The following CELSR1 variants were observed in gnomAD, a reference collection of about 807,000 sequenced individuals.
CELSR1 encodes the protein adhesion G protein-coupled receptor C1.
A neutral mutation model predicts 249.1 loss-of-function variants in CELSR1; 110 were observed. The ratio of observed to expected loss-of-function variants is 0.44; its 90% CI spans 0.38 to 0.52. The LOEUF is 0.52. CELSR1 is among the 20% of genes least tolerant of loss of function. The pLI is 0.00. For missense variants in CELSR1, 4,109 were observed against 4,296.4 expected, an observed-to-expected ratio of 0.96 and a Z score of 1.22; for synonymous variants, 2,113 against 1,900.0, an observed-to-expected ratio of 1.11 and a Z score of -2.92.
At chr22:46,376,518 G>A (rs1357250789) in intron 24 of CELSR1, among the ~76,000 whole-genome samples, 1 of 152,144 alleles carries the variant, frequency 6.6e-6, no homozygotes, top group Non-Finnish European at 1.5e-5. Context: ...GGGATTACAG[G>A]TGCCCGGCAC....
In CELSR1 at chr22:46,409,725, C is replaced by A; in HGVS notation, c.5059+30G>T. 1 of 1,609,926 alleles carries A rather than the reference C, an allele frequency of 6.2e-7. No individual in the cohort carries two copies. Among genetic ancestry groups the A allele is most frequent in the Middle Eastern group, 1.6e-4 (1 of 6,062 alleles). On this transcript the variant is annotated intron_variant, in intron 8 of 34. Coordinates refer to ENST00000674500, the MANE Select transcript of CELSR1 (RefSeq NM_001378328.1). This position sits in a 1 kb window ranked among gnomAD's most constrained non-coding sequence, Gnocchi z 9.8. Reference sequence around the variant, plus strand: ...AGCAATGCCTCCCAGGCCGCCGTGACCGGGGGGATGGACGACGCCGGCCAC... The same window carrying A: ...AGCAATGCCTCCCAGGCCGCCGTGAACGGGGGGATGGACGACGCCGGCCAC...
chr22:46,389,929 G>C (rs781773763), intron 17 of CELSR1, among the ~76,000 whole-genome samples: 1 of 152,078 alleles, frequency 6.6e-6, no homozygotes, highest in Non-Finnish European at 1.5e-5. Context: ...TCTAGCTTAG[G>C]AGATAGAGTG....
At chr22:46,415,950 C>T (rs932125886) in intron 5 of CELSR1, among the ~76,000 whole-genome samples, 8 of 152,304 alleles carry the variant, frequency 5.3e-5, no homozygotes, top group South Asian at 2.1e-4. Context: ...GCTGAAAGGC[C>T]GGCGTGGAGC....
In CELSR1 at chr22:46,444,418, G is replaced by A. The variant is rs533340663; in HGVS notation, c.4184-5007C>T. Among the ~76,000 whole-genome samples, 268 of 152,302 alleles carry A rather than the reference G, an allele frequency of 1.8e-3. 3 individuals carry two copies. The highest frequency in any genetic ancestry group is 3.1e-3 in the East Asian group (16 of 5,176). ...CGATATAAGCTTGTCCTGCCCCCGA[G>A]GGGGGCACCTCTGCAGGGACCAGAG... On this transcript the variant is annotated intron_variant, in intron 2 of 34. Transcript: ENST00000674500.
rs865778522 is a variant in CELSR1, at chr22:46,468,770, C to T, written c.3545-4425G>A. Among the ~76,000 whole-genome samples the T allele has an allele frequency of 2.0e-5, 3 of 152,056 alleles. No individual in the cohort carries two copies. The highest frequency in any genetic ancestry group is 7.2e-5 in the African/African-American group (3 of 41,400). On this transcript the variant is annotated intron_variant, in intron 1 of 34. Coordinates refer to ENST00000674500, the MANE Select transcript of CELSR1 (RefSeq NM_001378328.1). The surrounding 1 kb of genome is among the most constrained non-coding windows in gnomAD (Gnocchi z 4.5). The stretch of plus-strand genomic sequence containing the variant: ...AAGTGGTAAACGTATGTGTATTTTA[C>T]CACAATTACAAATTTTTTTAATAGG...
chr22:46,495,280 G>A (rs928492302), intron 1 of CELSR1, among the ~76,000 whole-genome samples: 1 of 152,190 alleles, frequency 6.6e-6, no homozygotes, highest in African/African-American at 2.4e-5. Flanking sequence ...ACTGTACTGA[G>A]TACTGTAAGC....
At position 46,398,161 on chromosome 22, in the gene CELSR1, G is replaced by C. The variant is rs1468900084; in HGVS notation, c.5527-313C>G. ...ACTCAGAGCAGCTCCCTCGGCCGTA[G>C]CTGGAACCCCTGGCTCCAGGGGACA... On this transcript the variant is annotated intron_variant, in intron 11 of 34. Coordinates refer to ENST00000674500, the MANE Select transcript of CELSR1 (RefSeq NM_001378328.1). This position sits in a 1 kb window ranked among gnomAD's most constrained non-coding sequence, Gnocchi z 7.2. 1.3e-5 allele frequency among the ~76,000 whole-genome samples: 2 copies of C among 152,070 alleles called. No individual in the cohort carries two copies. Among genetic ancestry groups the C allele is most frequent in the African/African-American group, 4.8e-5 (2 of 41,420 alleles).
chr22:46,502,377 A>C (rs1299269419), intron 1 of CELSR1, among the ~76,000 whole-genome samples: 1 of 106,548 alleles, frequency 9.4e-6, no homozygotes, highest in Non-Finnish European at 1.8e-5. Context: ...GAAAGGGGAA[A>C]GGGGAGGGAA....
intron 4 of CELSR1, among the ~76,000 whole-genome samples, chr22:46,435,271 A>C (rs1404472291): frequency 2.4e-4 from 35 of 146,636 alleles, no homozygotes; most frequent in Admixed American, 6.7e-5. Flanking sequence ...CAAAAAAAAA[A>C]AAAAAAAATT....
At chr22:46,457,793 A>T (rs1310325195) in intron 2 of CELSR1, among the ~76,000 whole-genome samples, 3 of 152,164 alleles carry the variant, frequency 2.0e-5, no homozygotes, top group Non-Finnish European at 2.9e-5. Flanking sequence ...GGCGTCCCCT[A>T]GGAAGGGGCA....
chr22:46,438,320 C>G (rs1340785807), intron 3 of CELSR1, among the ~76,000 whole-genome samples: 1 of 152,128 alleles, frequency 6.6e-6, no homozygotes, highest in Non-Finnish European at 1.5e-5. Context: ...GGAGAAGGGG[C>G]TATGAAAGCA....
rs2079734952 is a variant in CELSR1 at position 46,440,676 on chromosome 22, T to C, written c.4184-1265A>G. ...TGCTGGGTTTTTGGTCCTGCTCTTA[T>C]TGTGTTATAGAAGCTCCTCGTAAAT... is the stretch of plus-strand genomic sequence containing the variant. On this transcript the variant is annotated intron_variant, in intron 2 of 34. Transcript: ENST00000674500. This position sits in a 1 kb window ranked among gnomAD's most constrained non-coding sequence, Gnocchi z 4.7. Among the ~76,000 whole-genome samples the C allele has an allele frequency of 1.3e-5, 2 of 152,332 alleles. No homozygotes were observed. Among genetic ancestry groups the C allele is most frequent in the East Asian group, 1.9e-4 (1 of 5,184 alleles).
Position 46,500,106 on chromosome 22 carries a change from C to G in CELSR1, c.3544+33521G>C, listed in dbSNP as rs1455968352. Among the ~76,000 whole-genome samples the G allele has an allele frequency of 1.4e-5, 2 of 148,120 alleles. No homozygotes were observed. Among genetic ancestry groups the G allele is most frequent in the East Asian group, 3.9e-4 (2 of 5,156 alleles). On this transcript the variant is annotated intron_variant, in intron 1 of 34. Coordinates refer to ENST00000674500, the MANE Select transcript of CELSR1 (RefSeq NM_001378328.1). The surrounding 1 kb of genome is among the most constrained non-coding windows in gnomAD (Gnocchi z 4.9). The stretch of plus-strand genomic sequence containing the variant: ...TGATCCCACCCCAGCCCCTGATCCT[C>G]CCAGCATGATCCCACCCCAGCCCCT...
intron 2 of CELSR1, among the ~76,000 whole-genome samples, chr22:46,462,075 G>A (rs2080035287): frequency 6.6e-6 from 1 of 152,260 alleles, no homozygotes; most frequent in African/African-American, 2.4e-5. Flanking sequence ...CGCAGGTGTG[G>A]GCTGTGGGAG....
rs773060791 is a variant in CELSR1, at chr22:46,536,412, C to A, written c.759G>T (p.Ala253=). 2 of 1,612,412 alleles carry A rather than the reference C, an allele frequency of 1.2e-6. No homozygotes were observed. Among genetic ancestry groups the A allele is most frequent in the East Asian group, 4.5e-5 (2 of 44,844 alleles). Residue 253 remains alanine, a synonymous_variant, in exon 1 of 35, where the codon GCG becomes GCT. Coordinates refer to ENST00000674500, the MANE Select transcript of CELSR1 (RefSeq NM_001378328.1). ...LKFPMPNYQV[A]LFENEPAGTL... Reference sequence around the variant, plus strand: ...TGCCCGCCGGTTCGTTCTCAAACAACGCCACCTGGTAGTTGGGCATCGGAA... The same window carrying A: ...TGCCCGCCGGTTCGTTCTCAAACAAAGCCACCTGGTAGTTGGGCATCGGAA...
At chr22:46,367,700 G>C (rs2078801429) in intron 28 of CELSR1, 29 bp downstream of exon 28, 2 of 1,575,876 alleles carry the variant, frequency 1.3e-6, no homozygotes, top group Admixed American at 1.9e-5. Context: ...CCAGGCAGGG[G>C]TCCCGCGGGC....
chr22:46,457,356 A>AGGGG (rs1373521539), intron 2 of CELSR1, among the ~76,000 whole-genome samples: 1 of 151,984 alleles, frequency 6.6e-6, no homozygotes, highest in African/African-American at 2.4e-5. Context: ...GGGCGGGGAA[A>AGGGG]AAGATTATTC....
At chr22:46,497,057 CAT>C (rs1259652417) in intron 1 of CELSR1, among the ~76,000 whole-genome samples, 5 of 152,310 alleles carry the variant, frequency 3.3e-5, no homozygotes, top group South Asian at 2.1e-4. Flanking sequence ...ACCACAAACA[CAT>C]GAGTAATGTG....
At chr22:46,501,652 T>G (rs2147734977) in intron 1 of CELSR1, among the ~76,000 whole-genome samples, 1 of 152,312 alleles carries the variant, frequency 6.6e-6, no homozygotes, top group East Asian at 1.9e-4. Context: ...CTGTATGATG[T>G]GCTTTTTTTC....
Sources: gnomAD v4.1 joint callset for allele counts (sites outside exome capture counted in the v4.1 genomes callset) on GRCh38, gnomAD v4.1.1 for gene constraint, Gnocchi (gnomAD v3.1) non-coding constraint, MANE v1.5 for transcripts, NCBI Gene and HGNC (gene_info 2026-07-23, HGNC 2026-07-21) for gene names.